The following NLGN3 variants were observed in gnomAD, a reference collection of about 807,000 sequenced individuals.
The protein encoded by NLGN3 is neuroligin 3.
A neutral mutation model predicts 42.9 loss-of-function variants in NLGN3; 11 were observed. The ratio of observed to expected loss-of-function variants is 0.26; its 90% CI spans 0.16 to 0.42. The LOEUF (loss-of-function observed/expected upper bound fraction) is 0.42. NLGN3 is among the 10% of genes least tolerant of loss of function. The pLI is 1.00. For missense variants in NLGN3, 374 were observed against 733.8 expected (o/e 0.51, Z 5.67); for synonymous variants, 279 against 312.7 (o/e 0.89, Z 1.14).
chrX:71,171,659 C>T (rs962270019), downstream of NLGN3: 13 of 748,924 alleles, frequency 1.7e-5, no homozygotes, highest in African/African-American at 7.0e-5. Context: ...TCCAGTGCAG[C>T]GTCAGACGTG....
chrX:71,168,321 G>A (rs1466844965), intron 7 of NLGN3, among the ~76,000 whole-genome samples: 1 of 111,210 alleles, frequency 9.0e-6, no homozygotes, highest in Non-Finnish European at 1.9e-5. Flanking sequence ...TAGCCTGGGT[G>A]ACAGAGCGAA....
At chrX:71,154,968 T>C (rs769871026) in intron 4 of NLGN3, among the ~76,000 whole-genome samples, 5 of 112,666 alleles carry the variant, frequency 4.4e-5, no homozygotes, top group African/African-American at 1.6e-4. Context: ...CTGTATCACA[T>C]GCCTGGCTGC....
chrX:71,167,584 G>A lies in NLGN3; in HGVS notation c.1487G>A (p.Arg496His). 1 of 1,210,979 alleles carries A rather than the reference G, an allele frequency of 8.3e-7. No homozygotes were observed. The highest frequency in any genetic ancestry group is 1.1e-6 in the Non-Finnish European group (1 of 895,254). ...GTGGTGACAGCCGATCTGCATGCCC[G>A]CTACGGCTCGCCTACCTACTTCTAC... ...PSVVTADLHA[R>H]YGSPTYFYAF... Residue 496 changes from arginine to histidine, a missense_variant, in exon 7 of 8, where the codon CGC becomes CAC. By Grantham distance (29) the Arg-to-His change is conservative (BLOSUM62 0). Around this residue, in one of 6 missense-constraint regions of NLGN3, gnomAD observed 142 missense variants for 359.1 expected, o/e 0.40. Coordinates refer to ENST00000358741, the MANE Select transcript of NLGN3 (RefSeq NM_181303.2).
chrX:71,172,662 T>C (rs992305287), downstream of NLGN3, among the ~76,000 whole-genome samples: 1 of 99,846 alleles, frequency 1.0e-5, no homozygotes, highest in Non-Finnish European at 1.9e-5. Flanking sequence ...GTGTGAGATC[T>C]AGAAAGGAAA....
intron 5 of NLGN3, among the ~76,000 whole-genome samples, chrX:71,158,317 T>C (rs183256276): frequency 3.0e-3 from 334 of 111,577 alleles, no homozygotes; most frequent in African/African-American, 0.011. Flanking sequence ...ACTCCTGATC[T>C]CAAGTGATCC....
rs565862878 is a variant in NLGN3, at chrX:71,168,821, A to G, written c.1704-433A>G. 1.4e-3 allele frequency among the ~76,000 whole-genome samples: 94 copies of G among 69,356 alleles called. 1 individual carries two copies. The highest frequency in any genetic ancestry group is 4.9e-3 in the African/African-American group (70 of 14,227). 60.2% of individuals were successfully genotyped at this position (69,356 alleles called of 115,157 possible). Reference sequence around the variant, plus strand: ...GAGAGAAAGAAAGAAAGAGAAAAAAAAAAGAAAGAAAGAAAGAAAGAAAGA... The same window carrying G: ...GAGAGAAAGAAAGAAAGAGAAAAAAGAAAGAAAGAAAGAAAGAAAGAAAGA... On this transcript the variant is annotated intron_variant, in intron 7 of 7. Coordinates refer to ENST00000358741, the MANE Select transcript of NLGN3 (RefSeq NM_181303.2).
At chrX:71,150,098 C>A (rs5981078) in intron 3 of NLGN3, among the ~76,000 whole-genome samples, 1 of 111,111 alleles carries the variant, frequency 9.0e-6, no homozygotes, top group African/African-American at 3.3e-5. Context: ...AATGCACACC[C>A]GAGCATGGAA....
At position 71,169,116 on chromosome X, in the gene NLGN3, G is replaced by T. The variant is rs754820758; in HGVS notation, c.1704-138G>T. On this transcript the variant is annotated intron_variant, in intron 7 of 7. Transcript: ENST00000358741. ...CCTGGGGAAGAAGCAGGTGTGGGCA[G>T]AGCAGGGGACCCTGAAAAAGATGGA... 1.2e-5 allele frequency: 8 copies of T among 688,744 alleles called. No homozygotes were observed. The East Asian group carries it at 2.8e-4, about 24-fold the overall frequency. 56.8% of individuals were successfully genotyped at this position (688,744 alleles called of 1,213,427 possible).
chrX:71,154,635 A>G (rs2092402073), intron 4 of NLGN3, among the ~76,000 whole-genome samples: 1 of 111,881 alleles, frequency 8.9e-6, no homozygotes, highest in Non-Finnish European at 1.9e-5. Context: ...CATGTCAACA[A>G]GGTTCCCCCC....
At position 71,169,446 on chromosome X, in the gene NLGN3, C is replaced by T; in HGVS notation, c.1896C>T (p.Tyr632=). Residue 632 remains tyrosine (Y), a synonymous_variant, in exon 8 of 8, where the codon TAC becomes TAT. Coordinates refer to ENST00000358741, the MANE Select transcript of NLGN3 (RefSeq NM_181303.2). ...GGAAACATCTGGTGCCCCACCTATA[C>T]AACCTGCATGACATGTTCCACTATA... ...AFWKHLVPHL[Y]NLHDMFHYTS... 8.3e-7 allele frequency: 1 copy of T among 1,211,203 alleles called. No homozygotes were observed. Among genetic ancestry groups the T allele is most frequent in the Non-Finnish European group, 1.1e-6 (1 of 895,138 alleles).
At chrX:71,163,275 C>T (rs138301356) in intron 5 of NLGN3, among the ~76,000 whole-genome samples, 69 of 112,001 alleles carry the variant, frequency 6.2e-4, no homozygotes, top group Middle Eastern at 4.6e-3. Context: ...CCCATTTCTC[C>T]ACCAGATGAA....
chrX:71,173,792 C>T (rs777187638), downstream of NLGN3, among the ~76,000 whole-genome samples: 6 of 111,566 alleles, frequency 5.4e-5, no homozygotes, highest in Non-Finnish European at 9.4e-5. Context: ...GAAGACAAAA[C>T]GGAACCACAA....
chrX:71,166,910 C>T, intron 6 of NLGN3, 101 bp from the exon 7 acceptor site: 1 of 753,250 alleles, frequency 1.3e-6, no homozygotes, highest in Non-Finnish European at 2.0e-6. Flanking sequence ...CCCTTCCTAG[C>T]CCATTTAAAC....
At position 71,155,322 on chromosome X, in the gene NLGN3, A is replaced by G. The variant is rs1206644288; in HGVS notation, c.686A>G (p.Asn229Ser). 8.2e-7 allele frequency: 1 copy of G among 1,212,324 alleles called. No homozygotes were observed. Among genetic ancestry groups the G allele is most frequent in the Admixed American group, 2.2e-5 (1 of 46,142 alleles). The change falls in exon 5 of 8, where the codon AAT becomes AGT. Residue 229 changes from asparagine (N) to serine (S), a missense_variant. Physicochemically the swap from Asn to Ser is conservative, Grantham distance 46. This residue lies in a region of NLGN3 where 28 missense variants were observed against 48.2 expected (regional missense o/e 0.58). Transcript: ENST00000358741. ...IDGSILASYG[N>S]VIVITLNYRV... ...GGCAGCATCCTCGCCAGTTATGGCAATGTCATCGTCATCACCCTCAACTAT... is the reference window on the plus strand; with the variant it reads ...GGCAGCATCCTCGCCAGTTATGGCAGTGTCATCGTCATCACCCTCAACTAT...
chrX:71,172,639 T>C (rs56352131), downstream of NLGN3, among the ~76,000 whole-genome samples: 34 of 97,865 alleles, frequency 3.5e-4, no homozygotes, highest in South Asian at 8.5e-4. Flanking sequence ...TGTGTGTGTG[T>C]GTGTGTGTGT....
downstream of NLGN3, among the ~76,000 whole-genome samples, chrX:71,174,223 A>AG (rs1204184988): frequency 8.9e-6 from 1 of 112,088 alleles, no homozygotes; most frequent in Non-Finnish European, 1.9e-5. Context: ...AAGGCAGTCT[A>AG]GTTCAAGAGA....
intron 3 of NLGN3, among the ~76,000 whole-genome samples, chrX:71,149,159 G>A (rs1196808530): frequency 9.0e-6 from 1 of 110,588 alleles, no homozygotes; most frequent in East Asian, 2.9e-4. Flanking sequence ...CCTAAAGTGT[G>A]TGCCAAAGGC....
At position 71,169,956 on chromosome X, in the gene NLGN3, C is replaced by T. The variant is rs2092465259; in HGVS notation, c.2406C>T (p.Asp802=). ...YTLTLRRSPD[D]IPLMTPNTIT... Reference sequence around the variant, plus strand: ...TGACCCTGCGGCGCTCCCCGGATGACATCCCACTCATGACCCCCAACACCA... The same window carrying T: ...TGACCCTGCGGCGCTCCCCGGATGATATCCCACTCATGACCCCCAACACCA... The change falls in exon 8 of 8, where the codon GAC becomes GAT. Residue 802 remains aspartate, a synonymous_variant. Transcript: ENST00000358741. The T allele has an allele frequency of 1.7e-6, 2 of 1,204,908 alleles. No homozygotes were observed. The highest frequency in any genetic ancestry group is 2.2e-6 in the Non-Finnish European group (2 of 892,966).
chrX:71,168,649 G>A (rs1382320334), intron 7 of NLGN3, among the ~76,000 whole-genome samples: 1 of 103,672 alleles, frequency 9.6e-6, no homozygotes, highest in Non-Finnish European at 2.0e-5. Context: ...TTGAACCCAG[G>A]AGGCAGAGGT....
Sources: gnomAD v4.1 joint callset for allele counts (sites outside exome capture counted in the v4.1 genomes callset) on GRCh38, gnomAD v4.1.1 for gene constraint, gnomAD v4.1.1 regional missense constraint, MANE v1.5 for transcripts, NCBI Gene and HGNC (gene_info 2026-07-23, HGNC 2026-07-21) for gene names.